SLIT1: variants seen among roughly 807,000 people sequenced by gnomAD.
The protein encoded by SLIT1 is slit homolog 1 protein.
SLIT1 carries 66 observed loss-of-function variants against 186.1 expected under a neutral mutation model. The ratio of observed to expected loss-of-function variants is 0.35; its 90% CI spans 0.29 to 0.44. The LOEUF is 0.44. Ranked by LOEUF, SLIT1 falls within the 20% of genes least tolerant of loss-of-function variation. The pLI, the probability that SLIT1 is intolerant of heterozygous loss-of-function variation, is 1.00. For synonymous variants in SLIT1, 761 were observed against 833.8 expected (o/e 0.91, Z 1.50); for missense variants, 1,638 against 2,037.4 (o/e 0.80, Z 3.77).
At chr10:97,090,050 T>A (rs181259823) in intron 4 of SLIT1, among the ~76,000 whole-genome samples, 181 of 152,322 alleles carry the variant, frequency 1.2e-3, no homozygotes, top group African/African-American at 4.3e-3. Flanking sequence ...GTCACCAGCA[T>A]CCTCGCCGCT....
chr10:97,040,719 C>T (rs564289699), intron 20 of SLIT1, among the ~76,000 whole-genome samples: 64 of 152,278 alleles, frequency 4.2e-4, no homozygotes, highest in African/African-American at 1.4e-3. Flanking sequence ...AGTCTGAGCC[C>T]AGGTCTGGCT....
chr10:97,154,595 C>CG (rs1564689532), intron 4 of SLIT1: 7 of 152,332 alleles, frequency 4.6e-5, no homozygotes, highest in African/African-American at 1.4e-4. Flanking sequence ...AAACACCCCC[C>CG]CAAAGGGCTA....
At chr10:97,020,662 C>A (rs182795231) in intron 26 of SLIT1, among the ~76,000 whole-genome samples, 2 of 152,382 alleles carry the variant, frequency 1.3e-5, no homozygotes, top group East Asian at 1.9e-4. Flanking sequence ...TGTCCTCCCC[C>A]CGCTGTACCC....
chr10:97,164,047 C>T (rs1374909785), intron 2 of SLIT1, among the ~76,000 whole-genome samples: 1 of 152,230 alleles, frequency 6.6e-6, no homozygotes, highest in Admixed American at 6.5e-5. Context: ...AGTGGGGTGC[C>T]CACGCCAACT....
intron 4 of SLIT1, chr10:97,153,073 G>A (rs1849898907): frequency 6.6e-6 from 1 of 151,908 alleles, no homozygotes; most frequent in African/African-American, 2.4e-5. Flanking sequence ...ATTTCTTTAG[G>A]GCAGATGCCC....
At chr10:97,112,362 C>A (rs952928149) in intron 4 of SLIT1, among the ~76,000 whole-genome samples, 2 of 152,226 alleles carry the variant, frequency 1.3e-5, no homozygotes, top group African/African-American at 4.8e-5. Flanking sequence ...TCCCATGGTT[C>A]TGAGCTCCCC....
At chr10:97,098,016 G>A (rs1639322475) in intron 4 of SLIT1, among the ~76,000 whole-genome samples, 1 of 152,202 alleles carries the variant, frequency 6.6e-6, no homozygotes, top group Admixed American at 6.5e-5. Flanking sequence ...AGCAAGCCCA[G>A]TTTATAGTTC....
At chr10:97,062,914 C>T (rs1848906427) in intron 8 of SLIT1, among the ~76,000 whole-genome samples, 1 of 152,208 alleles carries the variant, frequency 6.6e-6, no homozygotes, top group Non-Finnish European at 1.5e-5. Flanking sequence ...ATGACAGAAC[C>T]CCAGGGGGAA....
At chr10:97,137,489 ACT>A (rs1849714210) in intron 4 of SLIT1, among the ~76,000 whole-genome samples, 1 of 152,160 alleles carries the variant, frequency 6.6e-6, no homozygotes, top group Non-Finnish European at 1.5e-5. Context: ...TGTTAGAGGG[ACT>A]CTGACTTAAC....
chr10:97,143,321 C>G lies in SLIT1; in HGVS notation c.413+14497G>C, dbSNP rs770517860. ...GCCTTAAAATGTAAAGAAGTCCTGGCGCATGCTATAGCACAGATGAACCTT... is the reference window on the plus strand; with the variant it reads ...GCCTTAAAATGTAAAGAAGTCCTGGGGCATGCTATAGCACAGATGAACCTT... On this transcript the variant is annotated intron_variant, in intron 4 of 36. Coordinates refer to ENST00000266058, the MANE Select transcript of SLIT1 (RefSeq NM_003061.3). Among the ~76,000 whole-genome samples, 45 of 152,096 alleles carry G rather than the reference C, an allele frequency of 3.0e-4. 1 individual carries two copies. The highest frequency in any genetic ancestry group is 3.1e-4 in the Non-Finnish European group (21 of 68,026).
intron 18 of SLIT1, among the ~76,000 whole-genome samples, chr10:97,045,208 T>TAA (rs879446847): frequency 2.9e-5 from 4 of 137,886 alleles, no homozygotes; most frequent in African/African-American, 1.1e-4. Flanking sequence ...ACATTGCTTA[T>TAA]AAAAAAAAAA....
At chr10:97,110,263 A>G (rs926508395) in intron 4 of SLIT1, among the ~76,000 whole-genome samples, 1 of 152,130 alleles carries the variant, frequency 6.6e-6, no homozygotes, top group Non-Finnish European at 1.5e-5. Flanking sequence ...CATTTGCAAA[A>G]TGATTTGCTA....
At chr10:97,116,464 G>A (rs1209009545) in intron 4 of SLIT1, among the ~76,000 whole-genome samples, 1 of 152,054 alleles carries the variant, frequency 6.6e-6, no homozygotes, top group African/African-American at 2.4e-5. Flanking sequence ...CTGATGAGGA[G>A]CACCCCCTAC....
intron 4 of SLIT1, among the ~76,000 whole-genome samples, chr10:97,150,171 C>T (rs574008908): frequency 2.0e-5 from 3 of 152,182 alleles, no homozygotes; most frequent in African/African-American, 4.8e-5. Context: ...CTGGGAGCCC[C>T]GTTCTCGTGT....
chr10:97,101,328 G>C (rs1045600617), intron 4 of SLIT1: 1 of 152,178 alleles, frequency 6.6e-6, no homozygotes, highest in Non-Finnish European at 1.5e-5. Context: ...ACAACCTCTC[G>C]GGGAGCAGAA....
At position 97,004,369 on chromosome 10, in the gene SLIT1, G is replaced by A. The variant is rs1053328199; in HGVS notation, c.3711-147C>T. 64 of 817,358 alleles carry A rather than the reference G, an allele frequency of 7.8e-5. No homozygotes were observed. The highest frequency in any genetic ancestry group is 3.4e-4 in the African/African-American group (20 of 58,248). The allele number at this position is 817,358 out of a possible 1,614,324, so 50.6% of individuals were successfully genotyped here. On this transcript the variant is annotated intron_variant, in intron 33 of 36. Transcript: ENST00000266058. The surrounding 1 kb of genome is among the most constrained non-coding windows in gnomAD (Gnocchi z 5.1). ...GACTGTGGGGGCTCAAGGGTCTATC[G>A]CATGATCCCTTTCACTCCCCTTCTT...
intron 4 of SLIT1, among the ~76,000 whole-genome samples, chr10:97,141,655 T>C (rs1157837051): frequency 6.8e-6 from 1 of 147,998 alleles, no homozygotes; most frequent in East Asian, 2.0e-4. Context: ...TTGCATTGTA[T>C]TGTATTGCAT....
chr10:97,144,197 CA>C (rs11323387), intron 4 of SLIT1, among the ~76,000 whole-genome samples: 131,067 of 143,610 alleles, frequency 0.91, 60,102 homozygotes, highest in Non-Finnish European at 0.97. Context: ...GACTCCATCT[CA>C]AAAAAAAAAA....
Position 97,163,451 on chromosome 10 carries a change from C to T in SLIT1, c.270G>A (p.Leu90=). The T allele has an allele frequency of 1.9e-6, 3 of 1,613,916 alleles. No homozygotes were observed. Among genetic ancestry groups the T allele is most frequent in the Non-Finnish European group, 2.5e-6 (3 of 1,179,776 alleles). ...CTCCAATCTGGTTCTCCATCAGCTG[C>T]CTGGGGAAGCAAAGAGACAAGGACA... The part of the protein sequence containing the change: ...DFAGLKQLRV[L]QLMENQIGAV... The change falls in exon 3 of 37, where the codon CTG becomes CTA. Residue 90 remains leucine (L), a splice_region_variant and synonymous_variant. Coordinates refer to ENST00000266058, the MANE Select transcript of SLIT1 (RefSeq NM_003061.3).
Sources: gnomAD v4.1 joint callset for allele counts (sites outside exome capture counted in the v4.1 genomes callset) on GRCh38, gnomAD v4.1.1 for gene constraint, Gnocchi (gnomAD v3.1) non-coding constraint, MANE v1.5 for transcripts, NCBI Gene and HGNC (gene_info 2026-07-23, HGNC 2026-07-21) for gene names.